SLC9B1: variants seen among roughly 807,000 people sequenced by gnomAD.
The protein encoded by SLC9B1 is sodium/hydrogen exchanger 9B1.
Under a neutral mutation model 51.7 loss-of-function variants are expected in SLC9B1, and 32 were observed. That is an observed-to-expected ratio of 0.62 (90% confidence interval 0.47 to 0.83). The LOEUF (loss-of-function observed/expected upper bound fraction) is 0.83, where lower values mean the gene tolerates loss of function less well. SLC9B1 is among the 40% of genes least tolerant of loss of function. The probability of loss-of-function intolerance (pLI) is 0.00; values close to 1 mark genes in which losing one functional copy is unlikely to be tolerated. For synonymous variants in SLC9B1, 145 were observed against 212.7 expected (o/e 0.68, Z 2.77); for missense variants, 406 against 613.2 (o/e 0.66, Z 3.57).
chr4:102,889,266 T>A (rs1186196656), intron 11 of SLC9B1: 1 of 152,408 alleles, frequency 6.6e-6, no homozygotes. Flanking sequence ...GGGTGCTTTT[T>A]CGGATACATT....
At chr4:102,890,234 A>AACCTAAT (rs1345678539) in intron 11 of SLC9B1, 1 of 152,206 alleles carries the variant, frequency 6.6e-6, no homozygotes, top group Non-Finnish European at 1.5e-5. Context: ...TGTATTTTGT[A>AACCTAAT]ACCTAATTTG....
intron 11 of SLC9B1, chr4:102,889,049 A>G (rs1348451766): frequency 6.6e-6 from 1 of 152,264 alleles, no homozygotes; most frequent in Non-Finnish European, 1.5e-5. Context: ...TACACTAAGC[A>G]TGGTACTTGG....
intron 1 of SLC9B1, among the ~76,000 whole-genome samples, chr4:103,009,716 A>C (rs1740993007): frequency 6.6e-6 from 1 of 152,226 alleles, no homozygotes; most frequent in South Asian, 2.1e-4. Flanking sequence ...AAACATATGC[A>C]TCAACAGTTG....
intron 1 of SLC9B1, among the ~76,000 whole-genome samples, chr4:103,003,895 C>T (rs1208513898): frequency 6.6e-6 from 1 of 152,124 alleles, no homozygotes; most frequent in African/African-American, 2.4e-5. Context: ...CCACCTTATA[C>T]CACAACCAAA....
intron 1 of SLC9B1, among the ~76,000 whole-genome samples, chr4:102,993,713 G>C (rs1398691498): frequency 6.6e-6 from 1 of 152,216 alleles, no homozygotes; most frequent in African/African-American, 2.4e-5. Context: ...TGCCACTGGA[G>C]TAAACTTCTG....
intron 3 of SLC9B1, among the ~76,000 whole-genome samples, chr4:102,958,622 A>C (rs1737926234): frequency 6.6e-6 from 1 of 152,064 alleles, no homozygotes; most frequent in Admixed American, 6.6e-5. Flanking sequence ...TTGTCTCTTA[A>C]AAAAGTAAGC....
intron 1 of SLC9B1, among the ~76,000 whole-genome samples, chr4:103,014,201 T>C (rs571008433): frequency 1.3e-5 from 2 of 152,362 alleles, no homozygotes; most frequent in African/African-American, 4.8e-5. Context: ...AAACTTGCCA[T>C]GTCTCACATC....
chr4:102,943,266 T>C (rs1393792341), intron 6 of SLC9B1, among the ~76,000 whole-genome samples: 1 of 151,978 alleles, frequency 6.6e-6, no homozygotes, highest in Non-Finnish European at 1.5e-5. Context: ...GAAAAGAGTA[T>C]GAAGATTTCT....
At chr4:102,895,329 C>T (rs996881752) in intron 11 of SLC9B1, among the ~76,000 whole-genome samples, 20 of 151,834 alleles carry the variant, frequency 1.3e-4, no homozygotes, top group Admixed American at 3.3e-4. Flanking sequence ...GATTTAAATA[C>T]GTACATAAAT....
chr4:102,934,916 G>A (rs1184768878), intron 6 of SLC9B1, among the ~76,000 whole-genome samples: 2 of 152,050 alleles, frequency 1.3e-5, no homozygotes, highest in African/African-American at 4.8e-5. Flanking sequence ...AACTTCAAAA[G>A]TACTACAATA....
intron 7 of SLC9B1, among the ~76,000 whole-genome samples, chr4:102,918,571 G>A (rs1403579466): frequency 6.6e-6 from 1 of 152,184 alleles, no homozygotes; most frequent in Non-Finnish European, 1.5e-5. Flanking sequence ...AATATTCAAT[G>A]TGATAATATT....
chr4:102,984,812 A>G (rs947633993), intron 3 of SLC9B1, among the ~76,000 whole-genome samples: 27 of 152,170 alleles, frequency 1.8e-4, no homozygotes, highest in Non-Finnish European at 3.1e-4. Context: ...TAGAAAAATG[A>G]AAGTTATCTC....
At chr4:102,965,795 A>ACC (rs1560956336) in intron 3 of SLC9B1, among the ~76,000 whole-genome samples, 3 of 147,746 alleles carry the variant, frequency 2.0e-5, no homozygotes, top group African/African-American at 7.7e-5. Context: ...AAAAAAAAAA[A>ACC]CAACAAGTTA....
chr4:102,936,398 G>T (rs1271699598), intron 6 of SLC9B1, among the ~76,000 whole-genome samples: 1 of 152,136 alleles, frequency 6.6e-6, no homozygotes, highest in Admixed American at 6.5e-5. Context: ...TCTAACAATG[G>T]TTGTTAACCA....
chr4:102,935,574 T>G (rs1227219505), intron 6 of SLC9B1, among the ~76,000 whole-genome samples: 1 of 152,192 alleles, frequency 6.6e-6, no homozygotes, highest in Non-Finnish European at 1.5e-5. Flanking sequence ...CAATGTAGTC[T>G]TATACAATTA....
chr4:103,004,438 G>C (rs1740681646), intron 1 of SLC9B1, among the ~76,000 whole-genome samples: 1 of 152,150 alleles, frequency 6.6e-6, no homozygotes, highest in South Asian at 2.1e-4. Flanking sequence ...ATTATGTAAA[G>C]AGAACAAATC....
chr4:102,930,422 T>C (rs913421857), intron 7 of SLC9B1, among the ~76,000 whole-genome samples: 1 of 152,038 alleles, frequency 6.6e-6, no homozygotes, highest in African/African-American at 2.4e-5. Context: ...TTTTTTAAAT[T>C]AAAAAAAAAT....
rs756757274 is a variant in SLC9B1, at chr4:102,890,840, T to TGAAAAAAAAAAAAA, written c.1333-5513_1333-5512insTTTTTTTTTTTTTC. On this transcript the variant is annotated intron_variant, in intron 11 of 11. Transcript: ENST00000394789. Reference sequence around the variant, plus strand: ...GGGCAACAGAAGTGAAACCCTATCTTAAAAAAAAAAAAAGTCTTTTTTTTT... The same window carrying TGAAAAAAAAAAAAA: ...GGGCAACAGAAGTGAAACCCTATCTTGAAAAAAAAAAAAAAAAAAAAAAAAAAGTCTTTTTTTTT... 2.6e-5 allele frequency: 2 copies of TGAAAAAAAAAAAAA among 76,232 alleles called. 1 individual carries two copies. The highest frequency in any genetic ancestry group is 1.7e-4 in the African/African-American group (2 of 11,584). The allele number at this position is 76,232 out of a possible 1,614,324, so 4.7% of individuals were successfully genotyped here.
chr4:102,961,309 A>G (rs1738107168), intron 3 of SLC9B1, among the ~76,000 whole-genome samples: 2 of 152,244 alleles, frequency 1.3e-5, no homozygotes, highest in Non-Finnish European at 2.9e-5. Context: ...CAAAACAATT[A>G]TTATGTAAGT....
Sources: allele counts gnomAD v4.1 joint callset (sites outside exome capture counted in the v4.1 genomes callset), GRCh38; gene constraint gnomAD v4.1.1; transcripts MANE v1.5; gene names NCBI Gene and HGNC (gene_info 2026-07-23, HGNC 2026-07-21).